Variants in RALYL observed in about 807,000 individuals in gnomAD.
RALYL encodes the protein RALY RNA binding protein like, also known as RNA-binding Raly-like protein.
A neutral mutation model predicts 35.1 loss-of-function variants in RALYL; 29 were observed. That is an observed-to-expected ratio of 0.83 (90% CI 0.61 to 1.13). The LOEUF is 1.13. RALYL is among the 50% of genes most tolerant of loss of function. The pLI, the probability that RALYL is intolerant of heterozygous loss-of-function variation, is 0.00. For missense variants in RALYL, 359 were observed against 360.4 expected (o/e 1.00, Z 0.03); for synonymous variants, 120 against 127.6 (o/e 0.94, Z 0.40).
intron 1 of RALYL, among the ~76,000 whole-genome samples, chr8:84,441,562 A>G (rs2048333938): frequency 1.3e-5 from 2 of 152,090 alleles, no homozygotes; most frequent in Non-Finnish European, 2.9e-5. Flanking sequence ...TATTCTTTTG[A>G]GTTTGCTTTA....
At chr8:84,850,107 C>T (rs150554526) in intron 5 of RALYL, 80 bp downstream of exon 5, 3 of 679,984 alleles carry the variant, frequency 4.4e-6, no homozygotes, top group Admixed American at 3.6e-5. Context: ...CATGGGTGCT[C>T]TTAATTATGG....
intron 1 of RALYL, among the ~76,000 whole-genome samples, chr8:84,419,126 A>T (rs1458155584): frequency 2.0e-5 from 3 of 152,148 alleles, no homozygotes; most frequent in African/African-American, 7.2e-5. Flanking sequence ...CACTTCCCAG[A>T]TTGGTAGTCC....
intron 8 of RALYL, among the ~76,000 whole-genome samples, chr8:84,917,556 C>G (rs1445819398): frequency 6.6e-6 from 1 of 150,788 alleles, no homozygotes; most frequent in East Asian, 1.9e-4. Flanking sequence ...AAATTACATA[C>G]TAGATGTCAC....
intron 2 of RALYL, among the ~76,000 whole-genome samples, chr8:84,671,095 G>C (rs559064728): frequency 3.9e-5 from 6 of 152,168 alleles, no homozygotes; most frequent in African/African-American, 1.4e-4. Flanking sequence ...CAAAACGAAG[G>C]GTCTATAGGC....
chr8:84,365,548 C>T (rs1854055619), intron 1 of RALYL, among the ~76,000 whole-genome samples: 1 of 152,166 alleles, frequency 6.6e-6, no homozygotes, highest in Admixed American at 6.6e-5. Context: ...AAATTACTGG[C>T]AGCACTGCCA....
chr8:84,666,061 G>T (rs1407886030), intron 2 of RALYL, among the ~76,000 whole-genome samples: 7 of 151,952 alleles, frequency 4.6e-5, no homozygotes, highest in Non-Finnish European at 1.0e-4. Flanking sequence ...AATGGTTCGG[G>T]TATTGATATG....
At position 84,183,291 on chromosome 8, in the gene RALYL, G is replaced by T. The variant is rs1811696644; in HGVS notation, c.-1157G>T. The T allele has an allele frequency of 6.5e-6, 1 of 153,538 alleles. No homozygotes were observed. The highest frequency in any genetic ancestry group is 2.4e-5 in the African/African-American group (1 of 41,446). 9.5% of individuals were successfully genotyped at this position (153,538 alleles called of 1,614,324 possible). A position where few individuals can be genotyped will look rare whatever the true frequency, so the allele number is the denominator to read the frequency against. On this transcript the variant is annotated 5_prime_UTR_variant, in exon 1 of 9. Transcript: ENST00000521268. ...CTGGGCTCACAGCGAAGGCAGCCTC[G>T]CCGCGAGCTGCCGCTGCCGCTGCTG... is the stretch of plus-strand genomic sequence containing the variant.
rs113765165 is a variant in RALYL at position 84,400,761 on chromosome 8, G to A, written c.-23-128538G>A. 8.7e-3 allele frequency among the ~76,000 whole-genome samples: 1,325 copies of A among 152,308 alleles called. 11 individuals are homozygous for A. Among genetic ancestry groups the A allele is most frequent in the Admixed American group, 0.017 (255 of 15,306 alleles). On this transcript the variant is annotated intron_variant, in intron 1 of 8. Coordinates refer to ENST00000521268, the MANE Select transcript of RALYL (RefSeq NM_173848.7). Reference sequence around the variant, plus strand: ...TTAAATCCTCTAAGGAAAGCTATGGGAAAGCTGTGTAGGCACCATTAGTTT... The same window carrying A: ...TTAAATCCTCTAAGGAAAGCTATGGAAAAGCTGTGTAGGCACCATTAGTTT...
At chr8:84,513,968 G>A (rs1032255296) in intron 1 of RALYL, among the ~76,000 whole-genome samples, 1 of 151,658 alleles carries the variant, frequency 6.6e-6, no homozygotes, top group African/African-American at 2.4e-5. Flanking sequence ...GGTGGTGTGT[G>A]CCTGTAATTG....
chr8:84,525,299 A>C (rs1248737644), intron 1 of RALYL, among the ~76,000 whole-genome samples: 9 of 152,092 alleles, frequency 5.9e-5, no homozygotes, highest in Non-Finnish European at 1.0e-4. Context: ...TTGCACTGAA[A>C]AATTCATTTT....
At chr8:84,727,302 G>A (rs781565289) in intron 2 of RALYL, among the ~76,000 whole-genome samples, 1 of 152,002 alleles carries the variant, frequency 6.6e-6, no homozygotes, top group African/African-American at 2.4e-5. Context: ...CAACAAGCCT[G>A]TAAGGAGTTA....
chr8:84,731,581 C>G (rs1846185436), intron 2 of RALYL, among the ~76,000 whole-genome samples: 1 of 152,124 alleles, frequency 6.6e-6, no homozygotes, highest in Admixed American at 6.6e-5. Flanking sequence ...TTCACTGCTA[C>G]CTTGCTATTG....
intron 2 of RALYL, among the ~76,000 whole-genome samples, chr8:84,654,136 A>G (rs191954966): frequency 6.7e-6 from 1 of 149,408 alleles, no homozygotes; most frequent in Admixed American, 6.7e-5. Context: ...ATATACATAT[A>G]TGTTACATAT....
intron 2 of RALYL, among the ~76,000 whole-genome samples, chr8:84,589,177 T>C (rs1812674572): frequency 6.6e-6 from 1 of 152,106 alleles, no homozygotes; most frequent in South Asian, 2.1e-4. Context: ...GGATTACAGG[T>C]GTGAGCCACC....
intron 1 of RALYL, among the ~76,000 whole-genome samples, chr8:84,216,555 C>T (rs111325593): frequency 0.033 from 4,955 of 152,064 alleles, 275 homozygotes; most frequent in African/African-American, 0.11. Flanking sequence ...GTTTTGTGTG[C>T]GTGTGGCAAG....
chr8:84,228,769 G>A (rs1824598788), intron 1 of RALYL, among the ~76,000 whole-genome samples: 1 of 152,144 alleles, frequency 6.6e-6, no homozygotes, highest in Admixed American at 6.5e-5. Context: ...CTACGGTCAT[G>A]GCAGAAGGCA....
At chr8:84,335,025 T>G (rs760848366) in intron 1 of RALYL, among the ~76,000 whole-genome samples, 146 of 152,262 alleles carry the variant, frequency 9.6e-4, no homozygotes, top group Non-Finnish European at 1.8e-3. Flanking sequence ...CTGCTGTTTC[T>G]TTGTCGACTA....
At chr8:84,866,580 T>C (rs1839213149) in intron 6 of RALYL, among the ~76,000 whole-genome samples, 1 of 152,148 alleles carries the variant, frequency 6.6e-6, no homozygotes, top group Non-Finnish European at 1.5e-5. Flanking sequence ...TGCTGTGCCT[T>C]AGTTTCCTCA....
intron 2 of RALYL, among the ~76,000 whole-genome samples, chr8:84,648,416 A>C (rs976055182): frequency 3.3e-5 from 5 of 152,078 alleles, no homozygotes; most frequent in African/African-American, 1.2e-4. Flanking sequence ...GTTTGATTAG[A>C]AAGTAAAGCA....
Sources: gnomAD v4.1 joint callset for allele counts (sites outside exome capture counted in the v4.1 genomes callset) on GRCh38, gnomAD v4.1.1 for gene constraint, MANE v1.5 for transcripts, NCBI Gene and HGNC (gene_info 2026-07-23, HGNC 2026-07-21) for gene names.